The following PRKX variants were observed in gnomAD, a reference collection of about 807,000 sequenced individuals.
PRKX encodes the protein cAMP-dependent protein kinase catalytic subunit PRKX.
A neutral mutation model predicts 22.0 loss-of-function variants in PRKX; 12 were observed. That is an observed-to-expected ratio of 0.54 (90% CI 0.35 to 0.88). The LOEUF (loss-of-function observed/expected upper bound fraction) is 0.88, where lower values mean the gene tolerates loss of function less well. Among genes scored for constraint, PRKX ranks in the 40% least tolerant of loss-of-function variants. PRKX has a pLI of 0.01. For missense variants in PRKX, 217 were observed against 308.0 expected (o/e 0.70, Z 2.21); for synonymous variants, 134 against 137.7 (o/e 0.97, Z 0.19).
chrX:3,678,581 G>A (rs905135151), intron 1 of PRKX, among the ~76,000 whole-genome samples: 6 of 112,124 alleles, frequency 5.4e-5, no homozygotes, highest in Non-Finnish European at 7.5e-5. Flanking sequence ...GCACTGCAGC[G>A]GATCTTTGCG....
intron 1 of PRKX, among the ~76,000 whole-genome samples, chrX:3,697,881 G>A (rs1928477341): frequency 9.0e-6 from 1 of 111,623 alleles, no homozygotes. Flanking sequence ...TACACAGTCT[G>A]GGAACCCCAG....
intron 6 of PRKX, among the ~76,000 whole-genome samples, chrX:3,620,360 A>G (rs1387089017): frequency 8.9e-6 from 1 of 112,436 alleles, no homozygotes; most frequent in African/African-American, 3.2e-5. Context: ...GTACAATTCC[A>G]TTTTTAGCAG....
chrX:3,621,495 A>C (rs889436066), intron 5 of PRKX, among the ~76,000 whole-genome samples, 179 bp from the exon 6 acceptor site: 1 of 112,236 alleles, frequency 8.9e-6, no homozygotes, highest in Non-Finnish European at 1.9e-5. Flanking sequence ...TAAATCACCT[A>C]TGCAAGGCTG....
At chrX:3,630,439 A>C (rs1926752698) in intron 4 of PRKX, among the ~76,000 whole-genome samples, 1 of 111,520 alleles carries the variant, frequency 9.0e-6, no homozygotes, top group Non-Finnish European at 1.9e-5. Flanking sequence ...GGGCGCCTGT[A>C]ATCCCAGCCA....
chrX:3,707,370 C>G (rs769411847), intron 1 of PRKX, among the ~76,000 whole-genome samples: 11 of 111,364 alleles, frequency 9.9e-5, no homozygotes, highest in South Asian at 7.7e-4. Flanking sequence ...TCAGGAAACC[C>G]CAGGCACATG....
chrX:3,698,015 G>A (rs759542871), intron 1 of PRKX, among the ~76,000 whole-genome samples: 2 of 112,104 alleles, frequency 1.8e-5, no homozygotes, highest in South Asian at 7.4e-4. Flanking sequence ...CACTCAACAA[G>A]AACACCAGGC....
At chrX:3,680,746 G>A (rs1478595206) in intron 1 of PRKX, among the ~76,000 whole-genome samples, 6 of 111,885 alleles carry the variant, frequency 5.4e-5, no homozygotes, top group Admixed American at 3.8e-4. Context: ...CACAACTGGC[G>A]GCTTGGGGGC....
intron 3 of PRKX, among the ~76,000 whole-genome samples, chrX:3,647,935 TG>T (rs1217697683): frequency 9.0e-6 from 1 of 111,145 alleles, no homozygotes; most frequent in African/African-American, 3.3e-5. Flanking sequence ...CCTTATGATT[TG>T]GAAGAATCTA....
rs777205024 is a variant in PRKX at position 3,655,326 on chromosome X, C to G, written c.422G>C (p.Arg141Pro). 1.6e-6 allele frequency: 2 copies of G among 1,212,128 alleles called. No individual in the cohort carries two copies. ...CCCCGTGGTGCTGGAGAAGCGCCCC[C>G]GGTTGCGCAGGTAGCTGAAGAGCTC... is the stretch of plus-strand genomic sequence containing the variant. ...GGELFSYLRN[R>P]GRFSSTTGLF... The change falls in exon 3 of 9, where the codon CGG becomes CCG. Residue 141 changes from arginine (R) to proline (P), a missense_variant. Transcript: ENST00000262848.
chrX:3,653,879 G>GAT (rs779238300), intron 3 of PRKX, among the ~76,000 whole-genome samples: 2 of 61,093 alleles, frequency 3.3e-5, no homozygotes, highest in Admixed American at 2.8e-4. Flanking sequence ...TATACTATGT[G>GAT]ATATATATAT....
At chrX:3,699,816 C>T (rs1928521485) in intron 1 of PRKX, among the ~76,000 whole-genome samples, 1 of 112,675 alleles carries the variant, frequency 8.9e-6, no homozygotes, top group African/African-American at 3.2e-5. Flanking sequence ...TTTATTTTTA[C>T]TTTTCCCTTT....
rs1457955095 is a variant in PRKX, at chrX:3,700,271, A to G, written c.166+12817T>C. Among the ~76,000 whole-genome samples, 3 of 112,250 alleles carry G rather than the reference A, an allele frequency of 2.7e-5. No individual in the cohort carries two copies. In the Admixed American group the frequency reaches 2.8e-4, roughly 11 times the overall value. ...TCCAGAAACCTAAAACGAGTGGAAA[A>G]AACGAAAGAAAAACCAGAGCAAAAC... On this transcript the variant is annotated intron_variant, in intron 1 of 8. Transcript: ENST00000262848.
chrX:3,628,046 C>G (rs1427733540), intron 4 of PRKX, among the ~76,000 whole-genome samples: 1 of 111,430 alleles, frequency 9.0e-6, no homozygotes, highest in Non-Finnish European at 1.9e-5. Flanking sequence ...TATCTACACA[C>G]AGTAGAATAC....
intron 1 of PRKX, among the ~76,000 whole-genome samples, chrX:3,680,098 T>C (rs1293094389): frequency 1.8e-5 from 2 of 110,393 alleles, no homozygotes; most frequent in African/African-American, 6.6e-5. Context: ...CCCAAGCCCT[T>C]GGGTCCAACT....
chrX:3,652,651 G>A (rs911148039), intron 3 of PRKX, among the ~76,000 whole-genome samples: 1 of 111,900 alleles, frequency 8.9e-6, no homozygotes, highest in Non-Finnish European at 1.9e-5. Flanking sequence ...GTGTGTGTAC[G>A]GAAACATATC....
chrX:3,689,929 A>G (rs1210673602), intron 1 of PRKX, among the ~76,000 whole-genome samples: 1 of 111,151 alleles, frequency 9.0e-6, no homozygotes, highest in Admixed American at 9.6e-5. Flanking sequence ...GTGAGCCGAG[A>G]TGGCACCACT....
At chrX:3,631,627 G>A (rs1926784090) in intron 4 of PRKX, among the ~76,000 whole-genome samples, 1 of 112,501 alleles carries the variant, frequency 8.9e-6, no homozygotes, top group Admixed American at 9.4e-5. Flanking sequence ...ATTAATTGAA[G>A]GATCTTGAGA....
At chrX:3,619,125 T>G (rs1456219390) in intron 6 of PRKX, among the ~76,000 whole-genome samples, 1 of 112,540 alleles carries the variant, frequency 8.9e-6, no homozygotes, top group Non-Finnish European at 1.9e-5. Flanking sequence ...TCTTTGCAGA[T>G]GTAACTAAAT....
intron 4 of PRKX, among the ~76,000 whole-genome samples, chrX:3,630,515 A>G (rs7885036): frequency 0.071 from 7,938 of 111,345 alleles, 719 homozygotes; most frequent in African/African-American, 0.24. Context: ...AGCCGAGATC[A>G]CGCCACTGCA....
Sources: allele counts gnomAD v4.1 joint callset (sites outside exome capture counted in the v4.1 genomes callset), GRCh38; gene constraint gnomAD v4.1.1; transcripts MANE v1.5; gene names NCBI Gene and HGNC (gene_info 2026-07-23, HGNC 2026-07-21).